RARB: variants seen among roughly 807,000 people sequenced by gnomAD.
RARB encodes the protein retinoic acid receptor beta.
Under a neutral mutation model 51.9 loss-of-function variants are expected in RARB, and 17 were observed. The ratio of observed to expected loss-of-function variants is 0.33; its 90% confidence interval spans 0.22 to 0.49. RARB has a LOEUF of 0.49. Among genes scored for constraint, RARB ranks in the 20% least tolerant of loss-of-function variants. RARB has a pLI of 0.99. For synonymous variants in RARB, 215 were observed against 195.4 expected (o/e 1.10, Z -0.84); for missense variants, 369 against 550.8 (o/e 0.67, Z 3.30).
At chr3:24,946,369 G>A (rs1432776411) in intron 2 of RARB, among the ~76,000 whole-genome samples, 2 of 151,716 alleles carry the variant, frequency 1.3e-5, no homozygotes, top group East Asian at 3.9e-4. Flanking sequence ...AGCCAGTTCA[G>A]AGTGATAATT....
chr3:25,567,198 C>G (rs367687707), intron 3 of RARB, among the ~76,000 whole-genome samples: 3 of 152,186 alleles, frequency 2.0e-5, no homozygotes, highest in African/African-American at 7.2e-5. Flanking sequence ...TACCATTCAG[C>G]GGTGCGTAGT....
chr3:24,894,845 A>G (rs1225714450), intron 2 of RARB, among the ~76,000 whole-genome samples: 1 of 152,220 alleles, frequency 6.6e-6, no homozygotes, highest in Non-Finnish European at 1.5e-5. Context: ...CCATTATCCA[A>G]TGTGAGCAAA....
At chr3:25,023,395 C>T (rs1697678153) in intron 2 of RARB, among the ~76,000 whole-genome samples, 1 of 152,068 alleles carries the variant, frequency 6.6e-6, no homozygotes, top group Non-Finnish European at 1.5e-5. Flanking sequence ...TTTTTATTTA[C>T]TGAGGTTAAG....
intron 4 of RARB, among the ~76,000 whole-genome samples, chr3:25,172,077 A>G (rs1700656458): frequency 6.6e-6 from 1 of 152,200 alleles, no homozygotes; most frequent in Non-Finnish European, 1.5e-5. Flanking sequence ...AGGCAATGTC[A>G]TCTCCTTTGT....
chr3:25,381,943 T>C (rs1376599842), intron 5 of RARB, among the ~76,000 whole-genome samples: 1 of 152,180 alleles, frequency 6.6e-6, no homozygotes, highest in Non-Finnish European at 1.5e-5. Context: ...TGTAGCCGTC[T>C]CCATCTCAAT....
At chr3:25,139,506 C>A (rs956233949) in intron 4 of RARB, among the ~76,000 whole-genome samples, 1 of 152,088 alleles carries the variant, frequency 6.6e-6, no homozygotes, top group Non-Finnish European at 1.5e-5. Flanking sequence ...CACTTCAATG[C>A]CATCAAGGCT....
chr3:24,872,709 C>A (rs891348246), intron 2 of RARB, among the ~76,000 whole-genome samples: 1 of 152,132 alleles, frequency 6.6e-6, no homozygotes, highest in Non-Finnish European at 1.5e-5. Flanking sequence ...CATGAGGGGT[C>A]CGCTCCCATG....
At chr3:25,126,936 T>A (rs1008533340) in intron 3 of RARB, among the ~76,000 whole-genome samples, 1 of 152,160 alleles carries the variant, frequency 6.6e-6, no homozygotes, top group Non-Finnish European at 1.5e-5. Flanking sequence ...CTACATTCAA[T>A]GCAACTTCCA....
chr3:25,364,058 C>T (rs1706037592), intron 5 of RARB, among the ~76,000 whole-genome samples: 1 of 152,196 alleles, frequency 6.6e-6, no homozygotes, highest in African/African-American at 2.4e-5. Flanking sequence ...ATTTCTGATT[C>T]TCCTTACAGT....
chr3:25,355,567 C>G (rs555682771), intron 5 of RARB, among the ~76,000 whole-genome samples: 1 of 151,932 alleles, frequency 6.6e-6, no homozygotes, highest in South Asian at 2.1e-4. Context: ...AACCACTGAG[C>G]CTGATTTAAC....
At chr3:25,318,807 T>G (rs991882157) in intron 5 of RARB, among the ~76,000 whole-genome samples, 8 of 152,224 alleles carry the variant, frequency 5.3e-5, no homozygotes, top group African/African-American at 1.9e-4. Context: ...TCTCATGACC[T>G]GCAAGACAGA....
chr3:24,962,594 C>T (rs562286626), intron 2 of RARB, among the ~76,000 whole-genome samples: 2 of 152,204 alleles, frequency 1.3e-5, no homozygotes, highest in Non-Finnish European at 2.9e-5. Flanking sequence ...ACTGCCTGAG[C>T]TCCACCTCCT....
chr3:25,589,690 T>C (rs1225799319), intron 5 of RARB, among the ~76,000 whole-genome samples: 1 of 152,168 alleles, frequency 6.6e-6, no homozygotes, highest in Non-Finnish European at 1.5e-5. Flanking sequence ...AGATGCACAG[T>C]TGTCTTTGCT....
intron 5 of RARB, among the ~76,000 whole-genome samples, chr3:25,211,930 A>G (rs1701708614): frequency 6.6e-6 from 1 of 152,160 alleles, no homozygotes; most frequent in South Asian, 2.1e-4. Context: ...TTGCATATAC[A>G]ACTTTATTTC....
At chr3:24,833,754 G>A (rs1702309965) in intron 1 of RARB, among the ~76,000 whole-genome samples, 1 of 152,180 alleles carries the variant, frequency 6.6e-6, no homozygotes, top group Admixed American at 6.5e-5. Context: ...TGTACATTGT[G>A]TCCAAGGTAG....
intron 5 of RARB, among the ~76,000 whole-genome samples, chr3:25,254,909 C>G (rs1245144912): frequency 6.6e-6 from 1 of 152,156 alleles, no homozygotes; most frequent in Non-Finnish European, 1.5e-5. Flanking sequence ...GAGGCACTAC[C>G]TTAGCAGCCA....
Position 24,877,992 on chromosome 3 carries a change from G to T in RARB, c.-380+19240G>T, listed in dbSNP as rs138049074. Among the ~76,000 whole-genome samples, 512 of 152,200 alleles carry T rather than the reference G, an allele frequency of 3.4e-3. 1 individual carries two copies. The highest frequency in any genetic ancestry group is 6.1e-3 in the Non-Finnish European group (418 of 67,998). On this transcript the variant is annotated intron_variant, in intron 2 of 11. Coordinates refer to the RARB transcript ENST00000383772. ...AATAGACAATCATCTCACCAACTCG[G>T]TTTCCTATTGACATAAAGGGATAAT...
intron 2 of RARB, among the ~76,000 whole-genome samples, chr3:25,493,064 G>A (rs1386081600): frequency 6.6e-6 from 1 of 151,674 alleles, no homozygotes; most frequent in Non-Finnish European, 1.5e-5. Context: ...TTGGAGTATG[G>A]ATTTGTGGTC....
intron 5 of RARB, among the ~76,000 whole-genome samples, chr3:25,243,454 A>G (rs1025877896): frequency 3.9e-5 from 6 of 152,178 alleles, no homozygotes; most frequent in East Asian, 3.8e-4. Flanking sequence ...TTTGTCATCA[A>G]TAGCTCTTAT....
Sources: allele counts gnomAD v4.1 joint callset (sites outside exome capture counted in the v4.1 genomes callset), GRCh38; gene constraint gnomAD v4.1.1; transcripts MANE v1.5; gene names NCBI Gene and HGNC (gene_info 2026-07-23, HGNC 2026-07-21).